Variants in TSHZ3 observed in about 807,000 individuals in gnomAD.
The protein encoded by TSHZ3 is teashirt homolog 3.
Under a neutral mutation model 64.5 loss-of-function variants are expected in TSHZ3, and 10 were observed. The ratio of observed to expected loss-of-function variants is 0.16; its 90% CI spans 0.10 to 0.26. The LOEUF is 0.26. Ranked by LOEUF, TSHZ3 falls within the 10% of genes least tolerant of loss-of-function variation. The pLI, the probability that TSHZ3 is intolerant of heterozygous loss-of-function variation, is 1.00. For synonymous variants in TSHZ3, 608 were observed against 593.1 expected, an observed-to-expected ratio of 1.03 and a Z score of -0.36; for missense variants, 1,242 against 1,421.7, an observed-to-expected ratio of 0.87 and a Z score of 2.03.
At chr19:31,325,714 T>C (rs1306760332) in intron 1 of TSHZ3, among the ~76,000 whole-genome samples, 1 of 152,196 alleles carries the variant, frequency 6.6e-6, no homozygotes, top group Non-Finnish European at 1.5e-5. Flanking sequence ...GACATTACTA[T>C]ACAAAGGCGT....
In TSHZ3 at chr19:31,278,991, T is replaced by C; in HGVS notation, c.802A>G (p.Lys268Glu). ...RKRSLLEMEG[K>E]EDAQKVLKCM... Reference sequence around the variant, plus strand: ...TTCAGCACCTTCTGGGCGTCTTCCTTCCCTTCCATTTCCAGCAAGGAGCGT... The same window carrying C: ...TTCAGCACCTTCTGGGCGTCTTCCTCCCCTTCCATTTCCAGCAAGGAGCGT... Residue 268 changes from lysine (K) to glutamate (E), a missense_variant, in exon 2 of 2, where the codon AAG becomes GAG. Lys to Glu is a moderately conservative substitution (Grantham distance 56). Transcript: ENST00000240587. The surrounding 1 kb of genome is among the most constrained non-coding windows in gnomAD (Gnocchi z 4.7). 1 of 1,613,954 alleles carries C rather than the reference T, an allele frequency of 6.2e-7. No homozygotes were observed. The highest frequency in any genetic ancestry group is 8.5e-7 in the Non-Finnish European group (1 of 1,179,868).
At chr19:31,325,121 C>T (rs557108037) in intron 1 of TSHZ3, among the ~76,000 whole-genome samples, 6 of 152,320 alleles carry the variant, frequency 3.9e-5, no homozygotes, top group Admixed American at 3.3e-4. Flanking sequence ...AGGTAGTATA[C>T]GGGCACAGTG....
chr19:31,276,370 GC>G lies in TSHZ3; in HGVS notation c.*176del. 1 of 515,096 alleles carries G rather than the reference GC, an allele frequency of 1.9e-6. No homozygotes were observed. Among genetic ancestry groups the G allele is most frequent in the East Asian group, 3.1e-5 (1 of 32,118 alleles). The allele number at this position is 515,096 out of a possible 1,614,324, so 31.9% of individuals were successfully genotyped here. ...CCTTCATATTTTACCAGTAACAACA[GC>G]TGATTATGCACCTCTATTAAACACT... is the stretch of plus-strand genomic sequence containing the variant. On this transcript the variant is annotated 3_prime_UTR_variant, in exon 2 of 2. Coordinates refer to ENST00000240587, the MANE Select transcript of TSHZ3 (RefSeq NM_020856.4).
chr19:31,350,073 C>G (rs2021667632), upstream of TSHZ3, among the ~76,000 whole-genome samples: 1 of 143,496 alleles, frequency 7.0e-6, no homozygotes, highest in Non-Finnish European at 1.5e-5. Context: ...AGCGTTCGTC[C>G]CCAGCCACCC....
chr19:31,217,230 G>A (rs1311231461), intron 4 of TSHZ3, among the ~76,000 whole-genome samples: 2 of 152,168 alleles, frequency 1.3e-5, no homozygotes, highest in African/African-American at 2.4e-5. Flanking sequence ...GGAACAACAA[G>A]GACAAATGCC....
chr19:31,167,988 G>C (rs1023355237), intron 5 of TSHZ3, among the ~76,000 whole-genome samples: 1 of 152,170 alleles, frequency 6.6e-6, no homozygotes, highest in African/African-American at 2.4e-5. Flanking sequence ...GTTTCTAAAA[G>C]AGAGCTCTTT....
chr19:31,183,044 G>A (rs1974741984), intron 5 of TSHZ3, among the ~76,000 whole-genome samples: 1 of 152,116 alleles, frequency 6.6e-6, no homozygotes, highest in Non-Finnish European at 1.5e-5. Context: ...CCAAGGAAAG[G>A]GGAATTCTGC....
intron 1 of TSHZ3, among the ~76,000 whole-genome samples, chr19:31,289,746 CT>C (rs1364328965): frequency 2.0e-5 from 3 of 152,122 alleles, no homozygotes; most frequent in Non-Finnish European, 2.9e-5. Flanking sequence ...CCTGTAGCCC[CT>C]AGCCCCCAAG....
chr19:31,313,030 TA>T, intron 1 of TSHZ3, among the ~76,000 whole-genome samples: 1 of 152,114 alleles, frequency 6.6e-6, no homozygotes, highest in East Asian at 1.9e-4. Context: ...AAAACGTGTG[TA>T]AACAGTAAGT....
At chr19:31,288,833 G>A (rs1976511461) in intron 1 of TSHZ3, among the ~76,000 whole-genome samples, 1 of 152,184 alleles carries the variant, frequency 6.6e-6, no homozygotes, top group Non-Finnish European at 1.5e-5. Context: ...GAGCCACGGA[G>A]CCAGGCAGGA....
chr19:31,225,416 T>C (rs1450766387), intron 4 of TSHZ3, among the ~76,000 whole-genome samples: 4 of 152,194 alleles, frequency 2.6e-5, no homozygotes, highest in Non-Finnish European at 5.9e-5. Flanking sequence ...GCCTGTCACA[T>C]TGCCCAACAG....
chr19:31,220,519 AG>A (rs1017579416), intron 4 of TSHZ3, among the ~76,000 whole-genome samples: 4 of 152,228 alleles, frequency 2.6e-5, no homozygotes, highest in Non-Finnish European at 5.9e-5. Flanking sequence ...GGGTTGGGGA[AG>A]GGAAGAAATC....
At chr19:31,162,070 G>C (rs2145104242) in intron 5 of TSHZ3, among the ~76,000 whole-genome samples, 1 of 152,298 alleles carries the variant, frequency 6.6e-6, no homozygotes, top group South Asian at 2.1e-4. Flanking sequence ...ATCAGTGGCT[G>C]TGCTCATGCA....
At chr19:31,257,349 C>T (rs1385629480) in intron 1 of TSHZ3, among the ~76,000 whole-genome samples, 4 of 152,208 alleles carry the variant, frequency 2.6e-5, no homozygotes, top group African/African-American at 4.8e-5. Context: ...CCTTTGGTGC[C>T]TTAGCCTGAG....
chr19:31,333,356 C>A (rs1394050621), intron 1 of TSHZ3, among the ~76,000 whole-genome samples: 1 of 152,080 alleles, frequency 6.6e-6, no homozygotes, highest in African/African-American at 2.4e-5. Flanking sequence ...TCCATTCCCC[C>A]TGCAGAAACG....
At chr19:31,214,273 A>G (rs1459259275) in intron 4 of TSHZ3, among the ~76,000 whole-genome samples, 1 of 152,206 alleles carries the variant, frequency 6.6e-6, no homozygotes, top group Non-Finnish European at 1.5e-5. Context: ...CAGAGGCTGC[A>G]TGAGTCACTG....
intron 5 of TSHZ3, among the ~76,000 whole-genome samples, chr19:31,162,660 GTACTCA>G (rs1974386824): frequency 6.6e-6 from 1 of 152,052 alleles, no homozygotes; most frequent in African/African-American, 2.4e-5. Context: ...CCCTATGCAG[GTACTCA>G]CAATCAGTCC....
At chr19:31,280,199 T>C (rs933156598) in intron 1 of TSHZ3, among the ~76,000 whole-genome samples, 2 of 152,180 alleles carry the variant, frequency 1.3e-5, no homozygotes, top group African/African-American at 4.8e-5. Context: ...CAATTTAAAT[T>C]AAGCAAGCAT....
chr19:31,345,051 G>A (rs1317458347), intron 1 of TSHZ3, among the ~76,000 whole-genome samples: 1 of 152,296 alleles, frequency 6.6e-6, no homozygotes, highest in Non-Finnish European at 1.5e-5. Flanking sequence ...TGGGGGCACC[G>A]CAGCTGATTC....
Sources: allele counts gnomAD v4.1 joint callset (sites outside exome capture counted in the v4.1 genomes callset), GRCh38; gene constraint gnomAD v4.1.1; non-coding constraint Gnocchi (gnomAD v3.1); transcripts MANE v1.5; gene names NCBI Gene and HGNC (gene_info 2026-07-23, HGNC 2026-07-21).